PRR5L: variants seen among roughly 807,000 people sequenced by gnomAD.
The protein encoded by PRR5L is proline-rich protein 5-like.
A neutral mutation model predicts 36.4 loss-of-function variants in PRR5L; 21 were observed. The observed-to-expected ratio is 0.58, with a 90% CI of 0.41 to 0.83. The LOEUF (loss-of-function observed/expected upper bound fraction) is 0.83. PRR5L is among the 40% of genes least tolerant of loss of function. The pLI is 0.00. For synonymous variants in PRR5L, 188 were observed against 197.0 expected, an observed-to-expected ratio of 0.95 and a Z score of 0.38; for missense variants, 381 against 473.3, an observed-to-expected ratio of 0.80 and a Z score of 1.81.
rs868413784 is a variant in PRR5L, at chr11:36,359,361, C to T, written c.-125-41636C>T. Among the ~76,000 whole-genome samples the T allele has an allele frequency of 5.9e-5, 9 of 152,256 alleles. 1 individual carries two copies. The South Asian group carries it at 6.2e-4, about 11-fold the overall frequency. The stretch of plus-strand genomic sequence containing the variant: ...GTGTTGGAGAGAGAGGTGATTTGAC[C>T]AGAATTGTAATAGAGTCCACATTAT... On this transcript the variant is annotated intron_variant, in intron 1 of 8. Coordinates refer to ENST00000530639, the MANE Select transcript of PRR5L (RefSeq NM_001160167.2).
chr11:36,431,986 T>A, intron 5 of PRR5L, 76 bp downstream of exon 5: 1 of 1,295,776 alleles, frequency 7.7e-7, no homozygotes, highest in East Asian at 2.3e-5. Flanking sequence ...GAGATGCTTC[T>A]GTCCAGAAGG....
In PRR5L at chr11:36,396,083, T is replaced by A. The variant is rs147652331; in HGVS notation, c.-125-4914T>A. On this transcript the variant is annotated intron_variant, in intron 1 of 8. Transcript: ENST00000530639. ...CGTGTGTATAAACTTTTAAAGTATG[T>A]TTCATAATGAAAATATTTTGAAATA... 21 of 152,280 alleles carry A rather than the reference T, an allele frequency of 1.4e-4. No homozygotes were observed. The East Asian group carries it at 3.3e-3, about 24-fold the overall frequency. The allele number at this position is 152,280 out of a possible 1,614,324, so 9.4% of individuals were successfully genotyped here.
intron 1 of PRR5L, among the ~76,000 whole-genome samples, chr11:36,358,408 C>T (rs140188663): frequency 6.6e-6 from 1 of 152,300 alleles, no homozygotes; most frequent in East Asian, 1.9e-4. Context: ...TGAGGCAACA[C>T]CCTCCACCAG....
intron 3 of PRR5L, among the ~76,000 whole-genome samples, chr11:36,408,307 C>T (rs11033596): frequency 0.23 from 34,514 of 151,216 alleles, 5,578 homozygotes; most frequent in African/African-American, 0.47. Flanking sequence ...CCATCAGAAA[C>T]GTCTCACCTC....
intron 3 of PRR5L, among the ~76,000 whole-genome samples, chr11:36,404,392 T>C (rs1314973588): frequency 6.6e-6 from 1 of 151,062 alleles, no homozygotes; most frequent in Non-Finnish European, 1.5e-5. Context: ...TGCCTCAGTC[T>C]CCTGAGCTGG....
chr11:36,455,700 T>C (rs1302756407), intron 8 of PRR5L, among the ~76,000 whole-genome samples: 13 of 152,158 alleles, frequency 8.5e-5, no homozygotes, highest in East Asian at 1.9e-4. Flanking sequence ...AAGAAAAAGA[T>C]TGGGGAGGAG....
At chr11:36,386,789 C>T (rs1458532475) in intron 1 of PRR5L, among the ~76,000 whole-genome samples, 1 of 152,156 alleles carries the variant, frequency 6.6e-6, no homozygotes, top group Non-Finnish European at 1.5e-5. Context: ...AAACCTACCT[C>T]CTTGGTTTAG....
intron 1 of PRR5L, among the ~76,000 whole-genome samples, chr11:36,368,790 T>C (rs746619866): frequency 6.6e-6 from 1 of 152,220 alleles, no homozygotes; most frequent in African/African-American, 2.4e-5. Flanking sequence ...TTGGAAAATA[T>C]AGTTATTTTC....
In PRR5L at chr11:36,462,685, G is replaced by A; in HGVS notation, c.1056G>A (p.Gly352=). ...ACAACCCTGACGGACTGGAGGAGGG[G>A]GCCAGGGGCAGCCAGGAGGGCTCGG... is the stretch of plus-strand genomic sequence containing the variant. The part of the protein sequence containing the change: ...ITDNPDGLEE[G]ARGSQEGSEL... Residue 352 remains glycine (G), a synonymous_variant, in exon 9 of 9, where the codon GGG becomes GGA. Transcript: ENST00000530639. The A allele has an allele frequency of 6.2e-7, 1 of 1,604,270 alleles. No individual in the cohort carries two copies. The highest frequency in any genetic ancestry group is 8.5e-7 in the Non-Finnish European group (1 of 1,175,848).
chr11:36,352,095 T>C (rs1404133245), intron 1 of PRR5L, among the ~76,000 whole-genome samples: 4 of 152,008 alleles, frequency 2.6e-5, no homozygotes, highest in African/African-American at 9.7e-5. Context: ...CATCTATTAT[T>C]TTTTTATATT....
chr11:36,356,629 T>A (rs1283600535), intron 1 of PRR5L, among the ~76,000 whole-genome samples: 4 of 152,192 alleles, frequency 2.6e-5, no homozygotes, highest in Non-Finnish European at 5.9e-5. Context: ...TATTGCCAAC[T>A]TTTTCATTAT....
intron 5 of PRR5L, among the ~76,000 whole-genome samples, chr11:36,435,433 C>T (rs549517936): frequency 2.0e-5 from 3 of 152,196 alleles, no homozygotes; most frequent in South Asian, 2.1e-4. Context: ...CAATCTGCAG[C>T]GGGGTGGTTT....
chr11:36,344,200 C>T lies in PRR5L; in HGVS notation c.-126+47762C>T, dbSNP rs1565401450. 1.3e-5 allele frequency among the ~76,000 whole-genome samples: 2 copies of T among 150,734 alleles called. No individual in the cohort carries two copies. The highest frequency in any genetic ancestry group is 1.3e-4 in the Admixed American group (2 of 15,192). ...CCACTGCACACTCCAGCCTGGGCAA[C>T]AAGCGCAAAACTCTGTCTCAAAAAA... On this transcript the variant is annotated intron_variant, in intron 1 of 8. Transcript: ENST00000530639. The surrounding 1 kb of genome is among the most constrained non-coding windows in gnomAD (Gnocchi z 4.1).
At chr11:36,341,892 G>A (rs911913390) in intron 1 of PRR5L, among the ~76,000 whole-genome samples, 7 of 152,218 alleles carry the variant, frequency 4.6e-5, no homozygotes, top group African/African-American at 1.7e-4. Context: ...AGAGGCAAAG[G>A]TGGGGAAGAG....
intron 6 of PRR5L, among the ~76,000 whole-genome samples, chr11:36,444,053 G>A (rs1858777859): frequency 6.6e-6 from 1 of 152,194 alleles, no homozygotes; most frequent in Admixed American, 6.5e-5. Flanking sequence ...ATCTGGATAT[G>A]CTGATAAAAT....
At chr11:36,427,321 G>T (rs899290250) in intron 4 of PRR5L, among the ~76,000 whole-genome samples, 2 of 152,222 alleles carry the variant, frequency 1.3e-5, no homozygotes, top group South Asian at 2.1e-4. Context: ...AATGGGCCCA[G>T]TTCCAAGTCC....
intron 8 of PRR5L, chr11:36,455,574 A>C (rs1484395344): frequency 6.6e-6 from 1 of 152,658 alleles, no homozygotes; most frequent in African/African-American, 2.4e-5. Flanking sequence ...CTAAAAGGGC[A>C]CCACTGCAAG....
chr11:36,437,363 C>T (rs1457180320), intron 5 of PRR5L, 22 bp from the exon 6 acceptor site: 2 of 1,492,792 alleles, frequency 1.3e-6, no homozygotes, highest in East Asian at 2.3e-5. Flanking sequence ...TCCTCCCTTC[C>T]CATCTTCTCG....
At chr11:36,454,666 C>T (rs887807451) in intron 8 of PRR5L, 1 of 152,408 alleles carries the variant, frequency 6.6e-6, no homozygotes, top group South Asian at 2.1e-4. Context: ...GTTGTGCTTT[C>T]AGTCTCCAGG....
Sources: gnomAD v4.1 joint callset for allele counts (sites outside exome capture counted in the v4.1 genomes callset) on GRCh38, gnomAD v4.1.1 for gene constraint, Gnocchi (gnomAD v3.1) non-coding constraint, MANE v1.5 for transcripts, NCBI Gene and HGNC (gene_info 2026-07-23, HGNC 2026-07-21) for gene names.